Variants in CHRNA6 observed in about 807,000 individuals in gnomAD.
The protein encoded by CHRNA6 is neuronal acetylcholine receptor subunit alpha-6.
CHRNA6 carries 31 observed loss-of-function variants against 40.9 expected under a neutral mutation model. The observed-to-expected ratio is 0.76, with a 90% confidence interval of 0.57 to 1.02. The LOEUF is 1.02. Among genes scored for constraint, CHRNA6 ranks in the 50% least tolerant of loss-of-function variants. The pLI is 0.00. For synonymous variants in CHRNA6, 222 were observed against 221.3 expected (o/e 1.00, Z -0.03); for missense variants, 546 against 596.6 (o/e 0.92, Z 0.88).
At chr8:42,755,008 C>T (rs1254427952) in intron 5 of CHRNA6, among the ~76,000 whole-genome samples, 2 of 151,202 alleles carry the variant, frequency 1.3e-5, no homozygotes, top group Non-Finnish European at 2.9e-5. Context: ...TCTCTTTCTA[C>T]CTTTTTATTT....
intron 1 of CHRNA6, among the ~76,000 whole-genome samples, chr8:42,766,184 T>C (rs1461100792): frequency 6.6e-6 from 1 of 152,134 alleles, no homozygotes; most frequent in Non-Finnish European, 1.5e-5. Flanking sequence ...CCATCAATGA[T>C]AGACTGGATA....
Position 42,756,666 on chromosome 8 carries a change from G to A in CHRNA6, c.533C>T (p.Ser178Phe), listed in dbSNP as rs1401153332. ...AATTTCAGCTTTGTCATACGTCCAG[G>A]AACCAAATTTTAGGGAACAGTTTTG... ...DHQNCSLKFG[S>F]WTYDKAEIDL... The change falls in exon 5 of 6, where the codon TCC becomes TTC. Residue 178 changes from serine (S) to phenylalanine (F), a missense_variant. Ser to Phe is a radical substitution (Grantham distance 155). Transcript: ENST00000276410. The A allele has an allele frequency of 6.2e-7, 1 of 1,614,124 alleles. No individual in the cohort carries two copies. Among genetic ancestry groups the A allele is most frequent in the Non-Finnish European group, 8.5e-7 (1 of 1,180,016 alleles).
At chr8:42,763,732 C>T (rs745822622) in intron 2 of CHRNA6, among the ~76,000 whole-genome samples, 3 of 152,148 alleles carry the variant, frequency 2.0e-5, no homozygotes, top group Non-Finnish European at 4.4e-5. Context: ...GATGGGAGAG[C>T]GCATCCAGGT....
chr8:42,756,372 A>ATG lies in CHRNA6; in HGVS notation c.826_827insCA (p.Ile276ThrfsTer8). 1 of 1,614,250 alleles carries ATG rather than the reference A, an allele frequency of 6.2e-7. No homozygotes were observed. The highest frequency in any genetic ancestry group is 1.1e-5 in the South Asian group (1 of 91,086). On this transcript the variant is annotated frameshift_variant, in exon 5 of 6. Transcript: ENST00000276410. LOFTEE classifies it high-confidence loss of function. ...CACAGTCAGAGAAAGCAGGACTGAA[A>ATG]TACAAAGCGTCACTTTTTCACCACA...
In CHRNA6 at chr8:42,757,507, T is replaced by G. The variant is rs6987740; in HGVS notation, c.265-470A>C. 6.2e-3 allele frequency among the ~76,000 whole-genome samples: 841 copies of G among 135,532 alleles called. 6 individuals carry two copies. The highest frequency in any genetic ancestry group is 0.022 in the African/African-American group (785 of 36,114). 88.9% of individuals were successfully genotyped at this position (135,532 alleles called of 152,430 possible). A position where few individuals can be genotyped will look rare whatever the true frequency, so the allele number is the denominator to read the frequency against. On this transcript the variant is annotated intron_variant, in intron 3 of 5. Transcript: ENST00000276410. ...TGGGAGGCCGAGGTGAGCGGATCAC[T>G]AGGTCAGAAGATTGAGACCATCCTG... is the stretch of plus-strand genomic sequence containing the variant.
At chr8:42,759,171 T>TA (rs1816857770) in intron 2 of CHRNA6, 58 bp from the exon 3 acceptor site, 2 of 1,363,274 alleles carry the variant, frequency 1.5e-6, no homozygotes, top group Admixed American at 3.4e-5. Context: ...AGGTGAGACT[T>TA]AGAGCAAAAA....
At chr8:42,757,889 GC>G (rs1816832865) in intron 3 of CHRNA6, among the ~76,000 whole-genome samples, 1 of 151,558 alleles carries the variant, frequency 6.6e-6, no homozygotes, top group Admixed American at 6.6e-5. Flanking sequence ...AAAAAAATTA[GC>G]CGGGCGTGGT....
intron 1 of CHRNA6, among the ~76,000 whole-genome samples, chr8:42,768,149 C>T (rs1816998023): frequency 6.6e-6 from 1 of 152,058 alleles, no homozygotes; most frequent in Non-Finnish European, 1.5e-5. Flanking sequence ...TCCTCTCCTC[C>T]CCACCCTACC....
chr8:42,758,307 T>C (rs1816840849), intron 3 of CHRNA6, among the ~76,000 whole-genome samples: 1 of 152,010 alleles, frequency 6.6e-6, no homozygotes, highest in Admixed American at 6.6e-5. Flanking sequence ...ATGATAAGCT[T>C]TGAATTAAAA....
chr8:42,759,804 G>A (rs1246676352), intron 2 of CHRNA6, among the ~76,000 whole-genome samples: 2 of 151,820 alleles, frequency 1.3e-5, no homozygotes, highest in African/African-American at 2.4e-5. Flanking sequence ...GGAGGCTGAG[G>A]CAGGAGAATT....
chr8:42,754,368 A>G (rs1352760017), intron 5 of CHRNA6, among the ~76,000 whole-genome samples: 2 of 152,014 alleles, frequency 1.3e-5, no homozygotes, highest in Non-Finnish European at 2.9e-5. Context: ...TAAGGTCTCA[A>G]TATGTTGCCC....
chr8:42,755,337 C>T (rs952752613), intron 5 of CHRNA6, among the ~76,000 whole-genome samples: 25 of 152,080 alleles, frequency 1.6e-4, no homozygotes, highest in East Asian at 1.9e-4. Context: ...AGTGCAGGGG[C>T]GCCATGTCAG....
Position 42,756,759 on chromosome 8 carries a change from G to T in CHRNA6, c.440C>A (p.Thr147Asn), listed in dbSNP as rs1381221205. ...KALLKYNGMI[T>N]WTPPAIFKSS... ...CTTAAAAATAGCTGGTGGAGTCCAG[G>T]TTATCATGCCATTGTATTTAAGAAG... Residue 147 changes from threonine to asparagine, a missense_variant, in exon 5 of 6, where the codon ACC becomes AAC. Thr to Asn is a moderately conservative substitution (Grantham distance 65). Coordinates refer to ENST00000276410, the MANE Select transcript of CHRNA6 (RefSeq NM_004198.3). 1.2e-6 allele frequency: 2 copies of T among 1,612,528 alleles called. No individual in the cohort carries two copies. The highest frequency in any genetic ancestry group is 2.2e-5 in the East Asian group (1 of 44,892).
chr8:42,765,276 C>T lies in CHRNA6; in HGVS notation c.80-72G>A. The T allele has an allele frequency of 2.6e-6, 4 of 1,544,326 alleles. No individual in the cohort carries two copies. In the South Asian group the frequency reaches 3.5e-5, roughly 13 times the overall value. On this transcript the variant is annotated intron_variant, in intron 1 of 5. Transcript: ENST00000276410. ...GCCACTGCAGCGATTCTAGGCAATT[C>T]TTCCCGGGCCCTGTGGGGAGCGAAT...
chr8:42,763,303 A>G (rs2217732), intron 2 of CHRNA6, among the ~76,000 whole-genome samples: 54,818 of 152,122 alleles, frequency 0.36, 14,088 homozygotes, highest in African/African-American at 0.73. Flanking sequence ...CTGGGCAACT[A>G]AACATACATG....
At chr8:42,761,038 A>G (rs1563625656) in intron 2 of CHRNA6, among the ~76,000 whole-genome samples, 2 of 152,118 alleles carry the variant, frequency 1.3e-5, no homozygotes. Context: ...TCGTGGTCAG[A>G]CTCAGACACC....
rs200749224 is a variant in CHRNA6 at position 42,752,880 on chromosome 8, A to G, written c.*299T>C. 3 of 250,514 alleles carry G rather than the reference A, an allele frequency of 1.2e-5. No homozygotes were observed. Among genetic ancestry groups the G allele is most frequent in the Non-Finnish European group, 2.3e-5 (3 of 132,098 alleles). 15.5% of individuals were successfully genotyped at this position (250,514 alleles called of 1,614,324 possible). ...TAATTACATAATTAGGCTGTATTGT[A>G]AGTCATTCTTGTCTTTAGAAGCCAA... On this transcript the variant is annotated 3_prime_UTR_variant, in exon 6 of 6. Transcript: ENST00000276410.
chr8:42,756,018 T>A lies in CHRNA6; in HGVS notation c.1181A>T (p.Glu394Val), dbSNP rs1419094680. The change falls in exon 5 of 6, where the codon GAA becomes GTA. Residue 394 changes from glutamate (E) to valine (V), a missense_variant. Glu to Val is a moderately radical substitution (Grantham distance 121). Coordinates refer to ENST00000276410, the MANE Select transcript of CHRNA6 (RefSeq NM_004198.3). Reference protein sequence around the residue: ...ASHGEPRHLKECFHCHKSNEL... With the variant: ...ASHGEPRHLKVCFHCHKSNEL... ...ATTTGATTTGTGACAATGGAAGCAT[T>A]CTTTAAGATGTCTGGGTTCCCCATG... The A allele has an allele frequency of 1.9e-6, 3 of 1,614,158 alleles. No homozygotes were observed. The highest frequency in any genetic ancestry group is 4.5e-5 in the East Asian group (2 of 44,902).
intron 2 of CHRNA6, among the ~76,000 whole-genome samples, chr8:42,763,430 T>C (rs1045662982): frequency 6.6e-6 from 1 of 152,220 alleles, no homozygotes; most frequent in African/African-American, 2.4e-5. Flanking sequence ...GGTTTTCTCT[T>C]AATCTCTGAT....
Sources: allele counts gnomAD v4.1 joint callset (sites outside exome capture counted in the v4.1 genomes callset), GRCh38; gene constraint gnomAD v4.1.1; transcripts MANE v1.5; gene names NCBI Gene and HGNC (gene_info 2026-07-23, HGNC 2026-07-21).